FER1L6: variants seen among roughly 807,000 people sequenced by gnomAD.
FER1L6 encodes the protein fer-1-like protein 6.
Under a neutral mutation model 219.2 loss-of-function variants are expected in FER1L6, and 177 were observed. The observed-to-expected ratio is 0.81, with a 90% CI of 0.71 to 0.91. The LOEUF is 0.91. Among genes scored for constraint, FER1L6 ranks in the 40% least tolerant of loss-of-function variants. FER1L6 has a pLI of 0.00. For missense variants in FER1L6, 2,153 were observed against 2,259.9 expected, an observed-to-expected ratio of 0.95 and a Z score of 0.96; for synonymous variants, 768 against 824.3, an observed-to-expected ratio of 0.93 and a Z score of 1.17.
At chr8:123,874,412 A>G (rs1816969946) in intron 1 of FER1L6, among the ~76,000 whole-genome samples, 1 of 152,218 alleles carries the variant, frequency 6.6e-6, no homozygotes, top group Non-Finnish European at 1.5e-5. Context: ...TAACTACCTC[A>G]TAGAATTATG....
At chr8:123,947,559 A>G (rs1814557820) in intron 1 of FER1L6, among the ~76,000 whole-genome samples, 1 of 152,182 alleles carries the variant, frequency 6.6e-6, no homozygotes, top group Non-Finnish European at 1.5e-5. Context: ...GGAGCTTTCT[A>G]TCTATAGACT....
At chr8:124,115,671 G>A (rs1171126110) in intron 39 of FER1L6, among the ~76,000 whole-genome samples, 1 of 152,104 alleles carries the variant, frequency 6.6e-6, no homozygotes, top group Non-Finnish European at 1.5e-5. Flanking sequence ...ATAGTTAAAG[G>A]CTTTCCTTTA....
chr8:123,865,854 G>A (rs1161029669), intron 1 of FER1L6, among the ~76,000 whole-genome samples: 17 of 147,200 alleles, frequency 1.2e-4, no homozygotes, highest in Non-Finnish European at 1.8e-4. Flanking sequence ...CACGGTGCGC[G>A]CACCCACTGG....
chr8:123,939,337 C>A, intron 1 of FER1L6: 2 of 350,462 alleles, frequency 5.7e-6, no homozygotes, highest in Non-Finnish European at 8.0e-6. Flanking sequence ...TTTCAAAATG[C>A]AATTCAAAAT....
chr8:124,082,177 G>A (rs1821582959), intron 32 of FER1L6, 111 bp from the exon 33 acceptor site: 1 of 747,480 alleles, frequency 1.3e-6, no homozygotes, highest in Non-Finnish European at 2.2e-6. Context: ...CTGAGTTGCT[G>A]AGTGTTTAAT....
intron 1 of FER1L6, among the ~76,000 whole-genome samples, chr8:123,888,134 T>A (rs1817239250): frequency 6.6e-6 from 1 of 152,154 alleles, no homozygotes; most frequent in Non-Finnish European, 1.5e-5. Context: ...TTTCTTTTTT[T>A]GAGACAGAGT....
chr8:124,032,422 C>CA (rs952047989), intron 18 of FER1L6, among the ~76,000 whole-genome samples: 34 of 147,272 alleles, frequency 2.3e-4, no homozygotes, highest in East Asian at 1.0e-3. Flanking sequence ...AAGACTGTCT[C>CA]AAAAAAAAAG....
At chr8:124,091,897 G>A (rs1822050263) in intron 34 of FER1L6, among the ~76,000 whole-genome samples, 1 of 151,750 alleles carries the variant, frequency 6.6e-6, no homozygotes, top group African/African-American at 2.4e-5. Flanking sequence ...AGCTCAAGAG[G>A]TGGAGGTTGC....
Position 124,046,002 on chromosome 8 carries a change from G to A in FER1L6, c.2724+101G>A, listed in dbSNP as rs1262776811. ...AGTAAATAAAGTCCTGACGCTGTGA[G>A]TGGTGAGAACACTAGATGTACCTAG... On this transcript the variant is annotated intron_variant, in intron 21 of 40. Transcript: ENST00000522917. 4 of 1,438,816 alleles carry A rather than the reference G, an allele frequency of 2.8e-6. 1 individual carries two copies. In the East Asian group the frequency reaches 9.2e-5, roughly 33 times the overall value. The allele number at this position is 1,438,816 out of a possible 1,614,324, so 89.1% of individuals were successfully genotyped here. A position where few individuals can be genotyped will look rare whatever the true frequency, so the allele number is the denominator to read the frequency against.
intron 24 of FER1L6, among the ~76,000 whole-genome samples, 185 bp from the exon 25 acceptor site, chr8:124,061,666 TC>T (rs1242362857): frequency 2.0e-5 from 3 of 152,194 alleles, no homozygotes; most frequent in African/African-American, 7.2e-5. Context: ...AAGGCAGACT[TC>T]CTATTTGGGT....
rs562139726 is a variant in FER1L6 at position 124,097,185 on chromosome 8, G to A, written c.4696-86G>A. The A allele has an allele frequency of 1.0e-4, 94 of 939,922 alleles. No homozygotes were observed. The African/African-American group carries it at 1.2e-3, about 12-fold the overall frequency. The allele number at this position is 939,922 out of a possible 1,614,324, so 58.2% of individuals were successfully genotyped here. ...CACTTAACACCTATTTCTACTAAAG[G>A]GATCTTATAAAACCATGAATTATCA... is the stretch of plus-strand genomic sequence containing the variant. On this transcript the variant is annotated intron_variant, in intron 35 of 40. Transcript: ENST00000522917.
chr8:124,107,471 C>T (rs921387081), intron 39 of FER1L6, among the ~76,000 whole-genome samples: 2 of 152,052 alleles, frequency 1.3e-5, no homozygotes, highest in Non-Finnish European at 1.5e-5. Context: ...AATGGATGAA[C>T]ATTTGGGCTG....
At chr8:123,927,913 G>A (rs1813627881) in intron 1 of FER1L6, among the ~76,000 whole-genome samples, 1 of 151,992 alleles carries the variant, frequency 6.6e-6, no homozygotes, top group African/African-American at 2.4e-5. Flanking sequence ...TTCTTTTCAT[G>A]GCTTTTTTTT....
chr8:124,070,826 A>G (rs1821038303), intron 30 of FER1L6, among the ~76,000 whole-genome samples: 1 of 152,150 alleles, frequency 6.6e-6, no homozygotes, highest in Admixed American at 6.5e-5. Flanking sequence ...AAGGAGACAG[A>G]GTCATTACCT....
rs184929662 is a variant in FER1L6, at chr8:123,895,449, A to G, written c.-8+43264A>G. ...CCATATGGCTTACACATATTAATTCATTTAATCTTCATAACAACCCCATGA... is the reference window on the plus strand; with the variant it reads ...CCATATGGCTTACACATATTAATTCGTTTAATCTTCATAACAACCCCATGA... On this transcript the variant is annotated intron_variant, in intron 1 of 40. Transcript: ENST00000522917. 3.7e-4 allele frequency among the ~76,000 whole-genome samples: 56 copies of G among 152,320 alleles called. 1 individual carries two copies. Among genetic ancestry groups the G allele is most frequent in the African/African-American group, 1.2e-3 (48 of 41,574 alleles).
At chr8:123,989,643 A>G (rs961185476) in intron 12 of FER1L6, among the ~76,000 whole-genome samples, 5 of 152,206 alleles carry the variant, frequency 3.3e-5, no homozygotes, top group African/African-American at 7.2e-5. Flanking sequence ...GCTCCTGCTT[A>G]TAAGTGAGAA....
chr8:123,859,341 C>T (rs1030944914), intron 1 of FER1L6, among the ~76,000 whole-genome samples: 27 of 151,754 alleles, frequency 1.8e-4, no homozygotes, highest in Non-Finnish European at 2.9e-4. Flanking sequence ...TCTATGTGTA[C>T]ATTATGGAAA....
rs1343792403 is a variant in FER1L6 at position 123,865,999 on chromosome 8, T to C, written c.-8+13814T>C. On this transcript the variant is annotated intron_variant, in intron 1 of 40. Coordinates refer to ENST00000522917, the MANE Select transcript of FER1L6 (RefSeq NM_001039112.2). ...GCTGTTCCTATTCGGCCATCTTGGC[T>C]CCTCCCCCCCACATTTTCTTAATCC... Among the ~76,000 whole-genome samples, 2 of 150,110 alleles carry C rather than the reference T, an allele frequency of 1.3e-5. 1 individual carries two copies. The highest frequency in any genetic ancestry group is 5.1e-5 in the African/African-American group (2 of 39,518).
In FER1L6 at chr8:124,097,267, C is replaced by G; in HGVS notation, c.4696-4C>G. 2 of 1,610,522 alleles carry G rather than the reference C, an allele frequency of 1.2e-6. No individual in the cohort carries two copies. The highest frequency in any genetic ancestry group is 2.2e-5 in the South Asian group (2 of 90,736). ...CTAAAGAAGATATTTTTTTTCTTAA[C>G]AAGGGCCGCCTGCAGATGTGGGTGG... is the stretch of plus-strand genomic sequence containing the variant. On this transcript the variant is annotated splice_polypyrimidine_tract_variant and splice_region_variant and intron_variant, in intron 35 of 40. Coordinates refer to ENST00000522917, the MANE Select transcript of FER1L6 (RefSeq NM_001039112.2).
Sources: gnomAD v4.1 joint callset for allele counts (sites outside exome capture counted in the v4.1 genomes callset) on GRCh38, gnomAD v4.1.1 for gene constraint, MANE v1.5 for transcripts, NCBI Gene and HGNC (gene_info 2026-07-23, HGNC 2026-07-21) for gene names.